ABCD2: variants seen among roughly 807,000 people sequenced by gnomAD.
ABCD2 encodes the protein ATP binding cassette subfamily D member 2.
In ABCD2, 36 loss-of-function variants were observed where a neutral mutation model predicts 70.9. The ratio of observed to expected loss-of-function variants is 0.51; its 90% CI spans 0.39 to 0.67. The LOEUF (loss-of-function observed/expected upper bound fraction) is 0.67, where lower values mean the gene tolerates loss of function less well. Among genes scored for constraint, ABCD2 ranks in the 30% least tolerant of loss-of-function variants. The pLI is 0.00. For missense variants in ABCD2, 729 were observed against 890.2 expected, an observed-to-expected ratio of 0.82 and a Z score of 2.30; for synonymous variants, 304 against 306.9, an observed-to-expected ratio of 0.99 and a Z score of 0.10.
rs547843306 is a variant in ABCD2, at chr12:39,551,960, G to T, written c.*1952C>A. On this transcript the variant is annotated 3_prime_UTR_variant, in exon 10 of 10. Coordinates refer to ENST00000308666, the MANE Select transcript of ABCD2 (RefSeq NM_005164.4). ...CTTAAAACACTTGCCTCAGACTTTT[G>T]CCCTTGTAGCAGTATAAACTGGATA... The T allele has an allele frequency of 6.6e-6, 1 of 151,408 alleles. No homozygotes were observed. Among genetic ancestry groups the T allele is most frequent in the East Asian group, 1.9e-4 (1 of 5,184 alleles). 9.4% of individuals were successfully genotyped at this position (151,408 alleles called of 1,614,324 possible). A position where few individuals can be genotyped will look rare whatever the true frequency, so the allele number is the denominator to read the frequency against.
chr12:39,596,113 C>T (rs1307949427), intron 6 of ABCD2, among the ~76,000 whole-genome samples: 1 of 152,048 alleles, frequency 6.6e-6, no homozygotes, highest in Non-Finnish European at 1.5e-5. Context: ...ATTATGCTAT[C>T]CAGAAGTGTC....
Position 39,619,588 on chromosome 12 carries a change from C to A in ABCD2, c.28G>T (p.Asp10Tyr). The change falls in exon 1 of 10, where the codon GAT becomes TAT. Residue 10 changes from aspartate to tyrosine, a missense_variant. Coordinates refer to ENST00000308666, the MANE Select transcript of ABCD2 (RefSeq NM_005164.4). MTHMLNAAA[D>Y]RVKWTRSSAA... is the part of the protein sequence containing the mutation. ...CTCGATCTGGTCCATTTCACTCGAT[C>A]AGCTGCTGCATTTAGCATATGTGTC... 1 of 1,610,286 alleles carries A rather than the reference C, an allele frequency of 6.2e-7. No homozygotes were observed. Among genetic ancestry groups the A allele is most frequent in the Non-Finnish European group, 8.5e-7 (1 of 1,179,916 alleles).
intron 6 of ABCD2, among the ~76,000 whole-genome samples, chr12:39,595,941 A>G (rs937781489): frequency 2.0e-5 from 3 of 152,224 alleles, no homozygotes; most frequent in African/African-American, 7.2e-5. Flanking sequence ...AAATTAAATC[A>G]AAGAACTTCA....
intron 5 of ABCD2, among the ~76,000 whole-genome samples, chr12:39,602,436 G>A (rs1205365365): frequency 6.6e-6 from 1 of 152,070 alleles, no homozygotes; most frequent in East Asian, 1.9e-4. Context: ...TTACAGGTAT[G>A]AGCCACCGCG....
At chr12:39,602,914 T>C (rs766694892) in intron 5 of ABCD2, among the ~76,000 whole-genome samples, 1 of 152,140 alleles carries the variant, frequency 6.6e-6, no homozygotes, top group Non-Finnish European at 1.5e-5. Context: ...TAATAAATAG[T>C]TAAATACTCT....
intron 9 of ABCD2, among the ~76,000 whole-genome samples, chr12:39,572,685 T>A (rs1941464098): frequency 6.6e-6 from 1 of 152,172 alleles, no homozygotes; most frequent in African/African-American, 2.4e-5. Context: ...CAAGGATTAA[T>A]TCCAATAATG....
chr12:39,609,070 A>G (rs1174220812), intron 2 of ABCD2, among the ~76,000 whole-genome samples: 3 of 152,136 alleles, frequency 2.0e-5, no homozygotes, highest in African/African-American at 7.2e-5. Flanking sequence ...GTGGACTATA[A>G]TTTCTTTGAA....
chr12:39,596,313 C>T (rs756377059), intron 6 of ABCD2, among the ~76,000 whole-genome samples: 1 of 152,056 alleles, frequency 6.6e-6, no homozygotes, highest in Non-Finnish European at 1.5e-5. Context: ...TCTTGAGGCA[C>T]TTATTTCTGG....
At chr12:39,604,960 G>T in intron 3 of ABCD2, 30 bp from the exon 4 acceptor site, 1 of 1,511,576 alleles carries the variant, frequency 6.6e-7, no homozygotes, top group Non-Finnish European at 8.9e-7. Flanking sequence ...ATAAAATAGA[G>T]TTACTATATC....
rs771871601 is a variant in ABCD2, at chr12:39,573,703, T to C, written c.2003+13A>G. ...AAAACCATCTACCACAAATTAGCAC[T>C]AGAAACACTTACCAAAGAGAAGGTC... On this transcript the variant is annotated intron_variant, in intron 9 of 9. Coordinates refer to ENST00000308666, the MANE Select transcript of ABCD2 (RefSeq NM_005164.4). 136 of 1,597,482 alleles carry C rather than the reference T, an allele frequency of 8.5e-5. No individual in the cohort carries two copies. Among genetic ancestry groups the C allele is most frequent in the Non-Finnish European group, 1.1e-4 (129 of 1,173,784 alleles).
Position 39,550,176 on chromosome 12 carries a change from C to T in ABCD2, c.*3736G>A, listed in dbSNP as rs1002609585. 5 of 151,626 alleles carry T rather than the reference C, an allele frequency of 3.3e-5. No individual in the cohort carries two copies. Among genetic ancestry groups the T allele is most frequent in the South Asian group, 4.1e-4 (2 of 4,824 alleles). The allele number at this position is 151,626 out of a possible 1,614,324, so 9.4% of individuals were successfully genotyped here. ...TGACTATTGTCTATAGTTCTACACACGGTTATATACAATACAATGTCTAAG... is the reference window on the plus strand; with the variant it reads ...TGACTATTGTCTATAGTTCTACACATGGTTATATACAATACAATGTCTAAG... On this transcript the variant is annotated 3_prime_UTR_variant, in exon 10 of 10. Coordinates refer to ENST00000308666, the MANE Select transcript of ABCD2 (RefSeq NM_005164.4).
intron 2 of ABCD2, among the ~76,000 whole-genome samples, chr12:39,615,702 CAA>C (rs1040566433): frequency 6.6e-6 from 1 of 151,976 alleles, no homozygotes; most frequent in African/African-American, 2.4e-5. Flanking sequence ...AAGAATAACT[CAA>C]CTTTGACAAG....
intron 9 of ABCD2, among the ~76,000 whole-genome samples, chr12:39,571,761 A>T (rs1686772183): frequency 6.6e-6 from 1 of 152,226 alleles, no homozygotes; most frequent in Admixed American, 6.5e-5. Flanking sequence ...AGTGATGGTT[A>T]TACAGCTATA....
chr12:39,544,630 T>C, the ABCD2 span, among the ~76,000 whole-genome samples: 1 of 152,166 alleles, frequency 6.6e-6, no homozygotes, highest in African/African-American at 2.4e-5. Context: ...TTTGCAAAGG[T>C]GGTTTCAATC....
chr12:39,554,825 T>C (rs888615436), intron 9 of ABCD2, among the ~76,000 whole-genome samples: 2 of 152,138 alleles, frequency 1.3e-5, no homozygotes, highest in African/African-American at 2.4e-5. Context: ...GTGGGGGATA[T>C]TTGGTGAAAG....
intron 9 of ABCD2, among the ~76,000 whole-genome samples, chr12:39,570,318 C>T (rs1439890271): frequency 6.6e-6 from 1 of 152,194 alleles, no homozygotes; most frequent in Non-Finnish European, 1.5e-5. Flanking sequence ...AGCCATCACA[C>T]TACCTGGTGT....
At chr12:39,579,375 C>A (rs371840591) in intron 8 of ABCD2, among the ~76,000 whole-genome samples, 160 bp downstream of exon 8, 1 of 152,094 alleles carries the variant, frequency 6.6e-6, no homozygotes, top group African/African-American at 2.4e-5. Flanking sequence ...AACAAACAAA[C>A]AAAAAAACCA....
chr12:39,600,834 A>G (rs2120710348), intron 5 of ABCD2, 118 bp from the exon 6 acceptor site: 1 of 846,130 alleles, frequency 1.2e-6, no homozygotes, highest in Non-Finnish European at 1.8e-6. Flanking sequence ...GGTTGGGCAA[A>G]AGATCAAGGA....
chr12:39,589,844 A>T (rs1236302788), intron 6 of ABCD2, among the ~76,000 whole-genome samples: 1 of 152,192 alleles, frequency 6.6e-6, no homozygotes, highest in African/African-American at 2.4e-5. Context: ...TTAAAGTTCA[A>T]TTTTTTGTCA....
Sources: allele counts gnomAD v4.1 joint callset (sites outside exome capture counted in the v4.1 genomes callset), GRCh38; gene constraint gnomAD v4.1.1; transcripts MANE v1.5; gene names NCBI Gene and HGNC (gene_info 2026-07-23, HGNC 2026-07-21).